The following LRRC8B variants were observed in gnomAD, a reference collection of about 807,000 sequenced individuals.
The protein encoded by LRRC8B is volume-regulated anion channel subunit LRRC8B.
LRRC8B carries 23 observed loss-of-function variants against 58.8 expected under a neutral mutation model. That is an observed-to-expected ratio of 0.39 (90% CI 0.28 to 0.55). LRRC8B has a LOEUF of 0.55. Among genes scored for constraint, LRRC8B ranks in the 20% least tolerant of loss-of-function variants. LRRC8B has a pLI of 0.62. For missense variants in LRRC8B, 694 were observed against 936.0 expected (o/e 0.74, Z 3.37); for synonymous variants, 359 against 374.1 (o/e 0.96, Z 0.47).
At chr1:89,558,260 G>A (rs1344950453) in intron 1 of LRRC8B, among the ~76,000 whole-genome samples, 1 of 152,090 alleles carries the variant, frequency 6.6e-6, no homozygotes, top group Non-Finnish European at 1.5e-5. Flanking sequence ...GCATTTTGGG[G>A]TCAAACTTAG....
chr1:89,567,656 T>G (rs577214329), intron 1 of LRRC8B, among the ~76,000 whole-genome samples: 1 of 152,152 alleles, frequency 6.6e-6, no homozygotes, highest in Non-Finnish European at 1.5e-5. Flanking sequence ...ATAAACTTTC[T>G]GAGAAATAAT....
At chr1:89,555,371 A>G (rs909705658) in intron 1 of LRRC8B, among the ~76,000 whole-genome samples, 3 of 152,114 alleles carry the variant, frequency 2.0e-5, no homozygotes, top group Non-Finnish European at 4.4e-5. Context: ...TGTCATGTAG[A>G]ATTTGGGATG....
At chr1:89,546,691 G>T (rs1651429119) in intron 1 of LRRC8B, among the ~76,000 whole-genome samples, 1 of 152,210 alleles carries the variant, frequency 6.6e-6, no homozygotes, top group South Asian at 2.1e-4. Flanking sequence ...AAAGGCATCT[G>T]ACTCAACCTC....
chr1:89,566,621 A>C (rs1653062571), intron 1 of LRRC8B, among the ~76,000 whole-genome samples: 1 of 152,206 alleles, frequency 6.6e-6, no homozygotes, highest in African/African-American at 2.4e-5. Flanking sequence ...CTACAAGACA[A>C]ATATACCCAA....
At chr1:89,537,090 A>G (rs993228218) in intron 1 of LRRC8B, among the ~76,000 whole-genome samples, 2 of 152,326 alleles carry the variant, frequency 1.3e-5, no homozygotes, top group South Asian at 4.1e-4. Context: ...TAGTGACTGA[A>G]TCAAGGACCT....
rs1274789946 is a variant in LRRC8B, at chr1:89,595,579, T to C, written c.*2536T>C. ...TTACTAGCAGGATTAATAATGAATA[T>C]TATAAACTGCTTTCCACACACTAGG... On this transcript the variant is annotated 3_prime_UTR_variant, in exon 6 of 6. Coordinates refer to ENST00000330947, the MANE Select transcript of LRRC8B (RefSeq NM_001369817.2). The C allele has an allele frequency of 6.6e-6, 1 of 152,144 alleles. No homozygotes were observed. The highest frequency in any genetic ancestry group is 1.9e-4 in the East Asian group (1 of 5,200). The allele number at this position is 152,144 out of a possible 1,614,324, so 9.4% of individuals were successfully genotyped here.
Position 89,583,414 on chromosome 1 carries a change from A to G in LRRC8B, c.764A>G (p.Tyr255Cys). The G allele has an allele frequency of 2.5e-6, 4 of 1,614,224 alleles. No homozygotes were observed. The highest frequency in any genetic ancestry group is 1.1e-5 in the South Asian group (1 of 91,088). ...CATGTGGAGCAGAAGGACATCATTT[A>G]TAGAGTATATCTGAAACAGATAATA... ...RMHVEQKDII[Y>C]RVYLKQIIVK... is the part of the protein sequence containing the mutation. Residue 255 changes from tyrosine to cysteine, a missense_variant, in exon 5 of 6, where the codon TAT (tyrosine) becomes TGT (cysteine). Tyr to Cys is a radical substitution (Grantham distance 194). This residue lies in a region of LRRC8B where 316 missense variants were observed against 403.8 expected (regional missense o/e 0.78). Coordinates refer to ENST00000330947, the MANE Select transcript of LRRC8B (RefSeq NM_001369817.2). This position sits in a 1 kb window ranked among gnomAD's most constrained non-coding sequence, Gnocchi z 5.2.
chr1:89,545,203 T>C (rs1219601353), intron 1 of LRRC8B, among the ~76,000 whole-genome samples: 1 of 152,228 alleles, frequency 6.6e-6, no homozygotes, highest in Non-Finnish European at 1.5e-5. Flanking sequence ...ATTCTCCTTA[T>C]ACATTTAGGA....
At chr1:89,538,716 T>TG (rs1167226858) in intron 1 of LRRC8B, among the ~76,000 whole-genome samples, 138 of 146,766 alleles carry the variant, frequency 9.4e-4, no homozygotes, top group Non-Finnish European at 1.3e-3. Flanking sequence ...TCGAGGTTTT[T>TG]TTTTGTTTGT....
chr1:89,545,925 C>T (rs551850899), intron 1 of LRRC8B, among the ~76,000 whole-genome samples: 2 of 152,222 alleles, frequency 1.3e-5, no homozygotes, highest in Admixed American at 6.5e-5. Context: ...GCGGATGAAA[C>T]GATACATCCA....
At chr1:89,538,567 C>T (rs143991694) in intron 1 of LRRC8B, among the ~76,000 whole-genome samples, 143 of 152,252 alleles carry the variant, frequency 9.4e-4, no homozygotes, top group African/African-American at 3.3e-3. Flanking sequence ...GTTATCTTCC[C>T]AACCACACTT....
intron 1 of LRRC8B, among the ~76,000 whole-genome samples, chr1:89,544,838 A>T (rs1245371577): frequency 2.0e-5 from 3 of 152,244 alleles, no homozygotes; most frequent in Admixed American, 6.5e-5. Context: ...GAAAAGCAGA[A>T]TGCAAAACTG....
At chr1:89,542,149 C>T (rs1009957791) in intron 1 of LRRC8B, among the ~76,000 whole-genome samples, 1 of 152,130 alleles carries the variant, frequency 6.6e-6, no homozygotes, top group Admixed American at 6.5e-5. Context: ...GTCTTGCTTT[C>T]ATGACATCTT....
At chr1:89,565,987 A>G (rs980444976) in intron 1 of LRRC8B, among the ~76,000 whole-genome samples, 3 of 152,190 alleles carry the variant, frequency 2.0e-5, no homozygotes, top group Non-Finnish European at 2.9e-5. Context: ...TCCACATTCA[A>G]TACCATCCTT....
Position 89,575,597 on chromosome 1 carries a change from C to T in LRRC8B, c.-124-3994C>T, listed in dbSNP as rs940485090. Among the ~76,000 whole-genome samples, 4 of 152,198 alleles carry T rather than the reference C, an allele frequency of 2.6e-5. No individual in the cohort carries two copies. The South Asian group carries it at 6.2e-4, about 24-fold the overall frequency. On this transcript the variant is annotated intron_variant, in intron 3 of 5. Transcript: ENST00000330947. ...TGCAGAACAGTTAGCAAAAACTCTT[C>T]CATCTCTATTGTTGCTGAGTTCTTG...
intron 1 of LRRC8B, among the ~76,000 whole-genome samples, chr1:89,546,662 T>C (rs1206888472): frequency 6.6e-6 from 1 of 152,208 alleles, no homozygotes; most frequent in Non-Finnish European, 1.5e-5. Context: ...TCCTTAGTGA[T>C]ATGAAGGTAC....
rs761400250 is a variant in LRRC8B at position 89,593,093 on chromosome 1, G to T, written c.*50G>T. Reference sequence around the variant, plus strand: ...CAAAATCATTTTTAAAAGTATGCTCGGCCGGGCGTGGTGGCTCATGCCTAT... The same window carrying T: ...CAAAATCATTTTTAAAAGTATGCTCTGCCGGGCGTGGTGGCTCATGCCTAT... On this transcript the variant is annotated 3_prime_UTR_variant, in exon 6 of 6. Transcript: ENST00000330947. 1.3e-6 allele frequency: 2 copies of T among 1,573,786 alleles called. No individual in the cohort carries two copies. The highest frequency in any genetic ancestry group is 1.2e-5 in the South Asian group (1 of 86,136).
chr1:89,593,397 TC>T lies in LRRC8B; in HGVS notation c.*356del, dbSNP rs1655120483. ...TATCTCAAAAAAAAAAAAAAAATGC[TC>T]CAGGGCTTTAAATGAGAAGTAAAAT... On this transcript the variant is annotated 3_prime_UTR_variant, in exon 6 of 6. Coordinates refer to ENST00000330947, the MANE Select transcript of LRRC8B (RefSeq NM_001369817.2). 1.2e-5 allele frequency: 2 copies of T among 167,640 alleles called. No individual in the cohort carries two copies. The highest frequency in any genetic ancestry group is 4.9e-5 in the African/African-American group (2 of 40,946). 10.4% of individuals were successfully genotyped at this position (167,640 alleles called of 1,614,324 possible).
chr1:89,580,595 A>C (rs544275529), intron 4 of LRRC8B, among the ~76,000 whole-genome samples: 1 of 152,036 alleles, frequency 6.6e-6, no homozygotes, highest in South Asian at 2.1e-4. Context: ...CTCTCATTTT[A>C]GTTTCTGTCT....
Sources: allele counts gnomAD v4.1 joint callset (sites outside exome capture counted in the v4.1 genomes callset), GRCh38; gene constraint gnomAD v4.1.1; regional missense constraint gnomAD v4.1.1; non-coding constraint Gnocchi (gnomAD v3.1); transcripts MANE v1.5; gene names NCBI Gene and HGNC (gene_info 2026-07-23, HGNC 2026-07-21).